The following SMARCC1 variants were observed in gnomAD, a reference collection of about 807,000 sequenced individuals.
SMARCC1 encodes SWI/SNF complex subunit SMARCC1.
SMARCC1 carries 43 observed loss-of-function variants against 147.4 expected under a neutral mutation model. The observed-to-expected ratio is 0.29, with a 90% CI of 0.23 to 0.38. The LOEUF is 0.38. Ranked by LOEUF, SMARCC1 falls within the 10% of genes least tolerant of loss-of-function variation. SMARCC1 has a pLI of 1.00. For synonymous variants in SMARCC1, 495 were observed against 484.4 expected (o/e 1.02, Z -0.29); for missense variants, 1,119 against 1,381.1 (o/e 0.81, Z 3.01).
At position 47,662,509 on chromosome 3, in the gene SMARCC1, A is replaced by G; in HGVS notation, c.1983T>C (p.Phe661=). Residue 661 remains phenylalanine (F), a synonymous_variant, in exon 20 of 28, where the codon TTT becomes TTC. Coordinates refer to ENST00000254480, the MANE Select transcript of SMARCC1 (RefSeq NM_003074.4). ...ATGGGTCCTCAATGGGAAGTCTCAA[A>G]AAGTGGAGGATGCATTCATCCTGAG... is the stretch of plus-strand genomic sequence containing the variant. ...SRTQDECILH[F]LRLPIEDPYL... is the part of the protein sequence containing the mutation. 1 of 1,614,100 alleles carries G rather than the reference A, an allele frequency of 6.2e-7. No homozygotes were observed. The highest frequency in any genetic ancestry group is 1.3e-5 in the African/African-American group (1 of 75,028).
intron 5 of SMARCC1, among the ~76,000 whole-genome samples, chr3:47,735,680 G>A (rs1255280667): frequency 3.3e-5 from 5 of 151,912 alleles, no homozygotes; most frequent in African/African-American, 9.7e-5. Context: ...CTTGAACCTC[G>A]GAGGCAGAGG....
intron 26 of SMARCC1, chr3:47,603,763 C>A: frequency 1.0e-5 from 3 of 290,512 alleles, no homozygotes; most frequent in South Asian, 3.2e-5. Context: ...TCAACAAAAC[C>A]TAAAGGTGGT....
Position 47,678,273 on chromosome 3 carries a change from C to T in SMARCC1, c.1496G>A (p.Arg499His), listed in dbSNP as rs759334676. 4.4e-6 allele frequency: 7 copies of T among 1,599,340 alleles called. No homozygotes were observed. In the East Asian group the frequency reaches 9.1e-5, roughly 21 times the overall value. The change falls in exon 16 of 28, where the codon CGT becomes CAT. Residue 499 changes from arginine (R) to histidine (H), a missense_variant. By Grantham distance (29) the Arg-to-His change is conservative. This residue lies in a region of SMARCC1 where 14 missense variants were observed against 40.3 expected (regional missense o/e 0.35). Transcript: ENST00000254480. ...AGTTAAATACTCTTGGGGGTTTAGA[C>T]GATACGTGTCAATCATAAAATTTCG... is the stretch of plus-strand genomic sequence containing the variant. ...AYRNFMIDTY[R>H]LNPQEYLTST...
chr3:47,671,777 CCT>C (rs1459039170), intron 18 of SMARCC1, among the ~76,000 whole-genome samples: 4 of 152,078 alleles, frequency 2.6e-5, no homozygotes, highest in South Asian at 2.1e-4. Context: ...AACATATTTC[CCT>C]CTCTCAAAAC....
chr3:47,611,168 C>T lies in SMARCC1; in HGVS notation c.2782-841G>A, dbSNP rs11130142. On this transcript the variant is annotated intron_variant, in intron 25 of 27. Coordinates refer to ENST00000254480, the MANE Select transcript of SMARCC1 (RefSeq NM_003074.4). ...CCTGAACATGCAGGAAAATGAAAAT[C>T]CAGATCTCTGAAAGTAGTATAAAAA... Among the ~76,000 whole-genome samples the T allele has an allele frequency of 8.0e-4, 122 of 152,268 alleles. 3 individuals carry two copies. In the East Asian group the frequency reaches 0.021, roughly 26 times the overall value.
chr3:47,729,059 G>A lies in SMARCC1; in HGVS notation c.612C>T (p.His204=), dbSNP rs1423090835. The A allele has an allele frequency of 2.5e-6, 4 of 1,612,376 alleles. No homozygotes were observed. In the Admixed American group the frequency reaches 5.0e-5, roughly 20 times the overall value. Residue 204 remains histidine, a synonymous_variant, in exon 6 of 28, where the codon CAC becomes CAT. Transcript: ENST00000254480. The part of the protein sequence containing the change: ...TFTDEKSKAS[H]HIYPYSSSQD... ...GTGAGGAAGAATATGGGTAAATGTG[G>A]TGGGAAGCTTTTGACTTCTCATCCG...
At chr3:47,646,400 C>T (rs1343814623) in intron 21 of SMARCC1, among the ~76,000 whole-genome samples, 1 of 152,074 alleles carries the variant, frequency 6.6e-6, no homozygotes, top group Non-Finnish European at 1.5e-5. Context: ...AATCCTTCCC[C>T]AAAAATGTGT....
intron 13 of SMARCC1, among the ~76,000 whole-genome samples, chr3:47,688,661 G>C (rs1401628260): frequency 6.6e-6 from 1 of 152,154 alleles, no homozygotes; most frequent in Non-Finnish European, 1.5e-5. Flanking sequence ...GCAGGAAGTA[G>C]CTCGCAATAA....
At chr3:47,722,689 G>A (rs1456492693) in intron 6 of SMARCC1, among the ~76,000 whole-genome samples, 1 of 152,086 alleles carries the variant, frequency 6.6e-6, no homozygotes. Flanking sequence ...ATGTAAGCTC[G>A]CTCTCTTCCC....
chr3:47,674,335 C>T (rs535310590), intron 18 of SMARCC1, among the ~76,000 whole-genome samples: 3 of 152,254 alleles, frequency 2.0e-5, no homozygotes, highest in African/African-American at 4.8e-5. Context: ...TGTGTGCTAG[C>T]GATAACTTCT....
At chr3:47,722,594 C>A (rs2034246537) in intron 6 of SMARCC1, among the ~76,000 whole-genome samples, 1 of 151,792 alleles carries the variant, frequency 6.6e-6, no homozygotes, top group African/African-American at 2.4e-5. Flanking sequence ...CTGTGCCTGG[C>A]CAAAAAAATT....
intron 24 of SMARCC1, among the ~76,000 whole-genome samples, chr3:47,625,495 C>G (rs1576391212): frequency 6.6e-6 from 1 of 152,046 alleles, no homozygotes; most frequent in South Asian, 2.1e-4. Context: ...TTGGCCTCCC[C>G]AAGTGCTGGG....
At chr3:47,613,107 C>T (rs181913881) in intron 25 of SMARCC1, among the ~76,000 whole-genome samples, 56 of 152,194 alleles carry the variant, frequency 3.7e-4, no homozygotes, top group Non-Finnish European at 2.9e-5. Context: ...TGCACTTAAC[C>T]AATGACCCAG....
chr3:47,745,015 C>T (rs2034550402), intron 3 of SMARCC1, among the ~76,000 whole-genome samples: 1 of 152,160 alleles, frequency 6.6e-6, no homozygotes, highest in Non-Finnish European at 1.5e-5. Flanking sequence ...CACCTGTAAT[C>T]CTAGCACCTT....
At chr3:47,677,400 C>T (rs889330289) in intron 16 of SMARCC1, among the ~76,000 whole-genome samples, 25 of 109,994 alleles carry the variant, frequency 2.3e-4, no homozygotes, top group African/African-American at 6.2e-4. Flanking sequence ...CATGCCTGGC[C>T]GTTTTTTTTT....
Position 47,654,301 on chromosome 3 carries a change from T to C in SMARCC1, c.2320+6993A>G, listed in dbSNP as rs190830872. ...TCATTAGCCCCAGGTTTTTCCAGCC[T>C]ATGCTGGGTACTGTCTGGTGGTGCA... On this transcript the variant is annotated intron_variant, in intron 21 of 27. Coordinates refer to ENST00000254480, the MANE Select transcript of SMARCC1 (RefSeq NM_003074.4). 1.1e-3 allele frequency among the ~76,000 whole-genome samples: 175 copies of C among 152,332 alleles called. 1 individual carries two copies. Among genetic ancestry groups the C allele is most frequent in the Admixed American group, 2.4e-3 (36 of 15,298 alleles).
intron 26 of SMARCC1, among the ~76,000 whole-genome samples, chr3:47,595,670 T>A (rs1227205996): frequency 6.6e-6 from 1 of 152,158 alleles, no homozygotes; most frequent in African/African-American, 2.4e-5. Context: ...ATAAATACCA[T>A]ACCCTTTTGT....
intron 25 of SMARCC1, 77 bp from the exon 26 acceptor site, chr3:47,610,404 T>C: frequency 2.0e-6 from 3 of 1,493,970 alleles, no homozygotes; most frequent in South Asian, 2.3e-5. Flanking sequence ...GACAACTACA[T>C]AATGCCTGAA....
Position 47,588,301 on chromosome 3 carries a change from G to C in SMARCC1, c.3226C>G (p.Pro1076Ala). ...GGCGGTGGCTGCTGCTGTGGTGGAG[G>C]GGGATCTGCAAACATATCCAAGAGT... is the stretch of plus-strand genomic sequence containing the variant. ...PLTAPNGMYP[P>A]PPQQQPPPPP... Residue 1076 changes from proline to alanine, a missense_variant, in exon 28 of 28, where the codon CCT becomes GCT. Pro to Ala is a conservative substitution (Grantham distance 27, BLOSUM62 -1). Coordinates refer to ENST00000254480, the MANE Select transcript of SMARCC1 (RefSeq NM_003074.4). 1 of 1,613,690 alleles carries C rather than the reference G, an allele frequency of 6.2e-7. No individual in the cohort carries two copies. Among genetic ancestry groups the C allele is most frequent in the Non-Finnish European group, 8.5e-7 (1 of 1,179,738 alleles).
Sources: allele counts gnomAD v4.1 joint callset (sites outside exome capture counted in the v4.1 genomes callset), GRCh38; gene constraint gnomAD v4.1.1; regional missense constraint gnomAD v4.1.1; transcripts MANE v1.5; gene names NCBI Gene and HGNC (gene_info 2026-07-23, HGNC 2026-07-21).